The following SYNPR variants were observed in gnomAD, a reference collection of about 807,000 sequenced individuals.
SYNPR encodes synaptoporin.
SYNPR carries 23 observed loss-of-function variants against 32.9 expected under a neutral mutation model. That is an observed-to-expected ratio of 0.70 (90% CI 0.50 to 0.99). The LOEUF is 0.99. Among genes scored for constraint, SYNPR ranks in the 50% least tolerant of loss-of-function variants. The pLI is 0.00. For synonymous variants in SYNPR, 146 were observed against 135.9 expected (o/e 1.07, Z -0.52); for missense variants, 318 against 349.3 (o/e 0.91, Z 0.71).
At chr3:63,556,313 A>G (rs1575709004) in intron 3 of SYNPR, among the ~76,000 whole-genome samples, 1 of 152,242 alleles carries the variant, frequency 6.6e-6, no homozygotes, top group African/African-American at 2.4e-5. Context: ...CCTCCTCTCT[A>G]CCTAAGGGTG....
chr3:63,273,413 A>C (rs1203053029), upstream of SYNPR, among the ~76,000 whole-genome samples: 1 of 152,166 alleles, frequency 6.6e-6, no homozygotes, highest in East Asian at 1.9e-4. Context: ...AAATTAAAGA[A>C]TTTATGCCTA....
intron 2 of SYNPR, among the ~76,000 whole-genome samples, chr3:63,466,727 C>T (rs1169005318): frequency 7.5e-6 from 1 of 134,022 alleles, no homozygotes; most frequent in Non-Finnish European, 1.5e-5. Context: ...AAGGCCTCTT[C>T]TCTCAGCCTG....
chr3:63,382,046 ATACACT>A (rs2087977314), intron 2 of SYNPR, among the ~76,000 whole-genome samples: 1 of 152,168 alleles, frequency 6.6e-6, no homozygotes, highest in South Asian at 2.1e-4. Context: ...TTTCTTTTAA[ATACACT>A]TACAACTACA....
the SYNPR span, among the ~76,000 whole-genome samples, chr3:63,222,799 G>T: frequency 6.6e-6 from 1 of 152,148 alleles, no homozygotes; most frequent in Non-Finnish European, 1.5e-5. Flanking sequence ...TTACAAGCAT[G>T]AGCCACCGTG....
At chr3:63,321,152 T>C (rs1394352898) in intron 2 of SYNPR, among the ~76,000 whole-genome samples, 2 of 152,084 alleles carry the variant, frequency 1.3e-5, no homozygotes, top group Non-Finnish European at 2.9e-5. Context: ...GGGAGGACCT[T>C]ACGTACTTTT....
intron 2 of SYNPR, among the ~76,000 whole-genome samples, chr3:63,417,213 C>T (rs115848209): frequency 0.021 from 3,205 of 152,288 alleles, 117 homozygotes; most frequent in African/African-American, 0.073. Context: ...GGCCAGAGGC[C>T]CCATGCAAGT....
chr3:63,233,986 C>T (rs1295088223), intron 1 of SYNPR, among the ~76,000 whole-genome samples: 1 of 152,132 alleles, frequency 6.6e-6, no homozygotes, highest in African/African-American at 2.4e-5. Flanking sequence ...CTGACAAGAG[C>T]CTGTTCTGGA....
At chr3:63,321,387 G>T (rs6791931) in intron 2 of SYNPR, among the ~76,000 whole-genome samples, 46,441 of 151,950 alleles carry the variant, frequency 0.31, 7,905 homozygotes, top group Non-Finnish European at 0.39. Context: ...GCTCTGTTGA[G>T]AATTGTGAGG....
chr3:63,278,420 G>A lies in SYNPR; in HGVS notation c.-114G>A, dbSNP rs763106688. ...CCTGCCCTCGCCGGGCTGCTCCAGG[G>A]TGTCGCTCCTCTGGCTGCTCCCGAA... On this transcript the variant is annotated 5_prime_UTR_variant, in exon 1 of 6. In the 5' UTR this introduces an upstream ATG that the reference lacks. Transcript: ENST00000478300. 9 of 1,361,618 alleles carry A rather than the reference G, an allele frequency of 6.6e-6. No homozygotes were observed. The highest frequency in any genetic ancestry group is 8.9e-6 in the Non-Finnish European group (9 of 1,015,186). 84.3% of individuals were successfully genotyped at this position (1,361,618 alleles called of 1,614,324 possible).
rs971428673 is a variant in SYNPR, at chr3:63,236,266, A to G, written n.66+7886A>G. 2.6e-5 allele frequency among the ~76,000 whole-genome samples: 4 copies of G among 151,998 alleles called. No homozygotes were observed. In the East Asian group the frequency reaches 5.8e-4, roughly 22 times the overall value. On this transcript the variant is annotated intron_variant and non_coding_transcript_variant, in intron 1 of 4. Coordinates refer to the SYNPR transcript ENST00000478456. The stretch of plus-strand genomic sequence containing the variant: ...TCTCTCTACCAATATCACACTGTTC[A>G]GATTACTGTGGCTATCTAGTAATCT...
At chr3:63,604,243 T>G (rs1700085604) in intron 4 of SYNPR, among the ~76,000 whole-genome samples, 1 of 152,190 alleles carries the variant, frequency 6.6e-6, no homozygotes, top group South Asian at 2.1e-4. Flanking sequence ...ATTTTGTTCT[T>G]TACAAGTCTA....
chr3:63,492,279 C>G (rs1466696127), intron 3 of SYNPR, among the ~76,000 whole-genome samples: 2 of 152,138 alleles, frequency 1.3e-5, no homozygotes, highest in African/African-American at 4.8e-5. Flanking sequence ...CAGATGATGA[C>G]TACCACAGAA....
intron 4 of SYNPR, chr3:63,561,526 T>C (rs753518579): frequency 6.6e-6 from 1 of 152,122 alleles, no homozygotes; most frequent in Non-Finnish European, 1.5e-5. Flanking sequence ...GACAAATTGG[T>C]ATTGTTTTAC....
rs142822185 is a variant in SYNPR at position 63,299,725 on chromosome 3, T to C, written c.84+20983T>C. 1.2e-4 allele frequency among the ~76,000 whole-genome samples: 19 copies of C among 152,276 alleles called. No homozygotes were observed. The East Asian group carries it at 2.3e-3, about 19-fold the overall frequency. On this transcript the variant is annotated intron_variant, in intron 2 of 5. Coordinates refer to ENST00000478300, the MANE Select transcript of SYNPR (RefSeq NM_001130003.2). Reference sequence around the variant, plus strand: ...TCTCATTGATATTAACCAAATGACATTGATACTAACTTTTTCAAATGTGAG... The same window carrying C: ...TCTCATTGATATTAACCAAATGACACTGATACTAACTTTTTCAAATGTGAG...
In SYNPR at chr3:63,616,493, T is replaced by C. The variant is rs1700280434; in HGVS notation, c.*1012T>C. 2.0e-5 allele frequency: 3 copies of C among 152,782 alleles called. No homozygotes were observed. Among genetic ancestry groups the C allele is most frequent in the Admixed American group, 2.0e-4 (3 of 15,308 alleles). 9.5% of individuals were successfully genotyped at this position (152,782 alleles called of 1,614,324 possible). A position where few individuals can be genotyped will look rare whatever the true frequency, so the allele number is the denominator to read the frequency against. ...CAGCTATATTTTTAAATCCTGTTTA[T>C]TTGTAAAGCTAATATGCTCCTCAAT... is the stretch of plus-strand genomic sequence containing the variant. On this transcript the variant is annotated 3_prime_UTR_variant, in exon 6 of 6. Coordinates refer to ENST00000478300, the MANE Select transcript of SYNPR (RefSeq NM_001130003.2).
chr3:63,443,010 CAGG>C, intron 2 of SYNPR: 1 of 994,064 alleles, frequency 1.0e-6, no homozygotes, highest in Non-Finnish European at 1.2e-6. Context: ...ACTGTGCTTG[CAGG>C]AGGAGGGGGC....
chr3:63,313,871 A>C (rs543577409), intron 2 of SYNPR, among the ~76,000 whole-genome samples: 1 of 48,494 alleles, frequency 2.1e-5, no homozygotes, highest in Admixed American at 2.4e-4. Flanking sequence ...ATATATATAT[A>C]TCCATATATA....
chr3:63,582,723 T>A (rs960908779), intron 4 of SYNPR, among the ~76,000 whole-genome samples: 1 of 152,028 alleles, frequency 6.6e-6, no homozygotes, highest in African/African-American at 2.4e-5. Flanking sequence ...TCTCAGCAAA[T>A]CCTTAATGGT....
intron 2 of SYNPR, among the ~76,000 whole-genome samples, chr3:63,329,804 C>T (rs1348635471): frequency 2.0e-5 from 3 of 152,080 alleles, no homozygotes. Flanking sequence ...TTTCATCTAA[C>T]CCAGGACTCA....
Sources: gnomAD v4.1 joint callset for allele counts (sites outside exome capture counted in the v4.1 genomes callset) on GRCh38, gnomAD v4.1.1 for gene constraint, MANE v1.5 for transcripts, NCBI Gene and HGNC (gene_info 2026-07-23, HGNC 2026-07-21) for gene names.